The following DPP6 variants were observed in gnomAD, a reference collection of about 807,000 sequenced individuals.
DPP6 encodes A-type potassium channel modulatory protein DPP6.
Under a neutral mutation model 122.6 loss-of-function variants are expected in DPP6, and 69 were observed. The observed-to-expected ratio is 0.56, with a 90% CI of 0.46 to 0.69. The LOEUF is 0.69. Ranked by LOEUF, DPP6 falls within the 30% of genes least tolerant of loss-of-function variation. The probability of loss-of-function intolerance (pLI) is 0.00; values close to 1 mark genes in which losing one functional copy is unlikely to be tolerated. For synonymous variants in DPP6, 418 were observed against 433.1 expected (o/e 0.97, Z 0.43); for missense variants, 928 against 1,116.9 (o/e 0.83, Z 2.41).
chr7:153,943,172 T>G (rs1335758291), intron 1 of DPP6, among the ~76,000 whole-genome samples: 2 of 152,180 alleles, frequency 1.3e-5, no homozygotes, highest in Admixed American at 6.5e-5. Flanking sequence ...TTTCATCAAT[T>G]AGAGCACGAA....
chr7:154,452,885 A>G (rs926306040), intron 2 of DPP6, among the ~76,000 whole-genome samples: 11 of 152,222 alleles, frequency 7.2e-5, no homozygotes, highest in African/African-American at 2.4e-4. Flanking sequence ...TTAGTTCCAA[A>G]GGGATTTACC....
At chr7:154,730,484 A>G (rs1842284336) in intron 8 of DPP6, among the ~76,000 whole-genome samples, 1 of 152,210 alleles carries the variant, frequency 6.6e-6, no homozygotes, top group South Asian at 2.1e-4. Flanking sequence ...TCAGCAAGGG[A>G]CAGTTGCTGC....
intron 4 of DPP6, among the ~76,000 whole-genome samples, chr7:154,555,408 T>A (rs1043431975): frequency 3.3e-5 from 5 of 151,802 alleles, no homozygotes; most frequent in African/African-American, 1.2e-4. Flanking sequence ...TAGGTGGGAA[T>A]TGAACAATGA....
chr7:153,999,956 A>G (rs1364258313), intron 1 of DPP6, among the ~76,000 whole-genome samples: 1 of 151,662 alleles, frequency 6.6e-6, no homozygotes, highest in Non-Finnish European at 1.5e-5. Flanking sequence ...TGAGACCCCC[A>G]TCTCAAAGAA....
At chr7:153,972,077 T>C (rs1317119110) in intron 1 of DPP6, among the ~76,000 whole-genome samples, 4 of 151,146 alleles carry the variant, frequency 2.6e-5, no homozygotes, top group Non-Finnish European at 5.9e-5. Context: ...GGAGAGTAAA[T>C]CTAGTCCCTG....
At chr7:153,763,234 TGAA>T in the DPP6 span, among the ~76,000 whole-genome samples, 1 of 152,160 alleles carries the variant, frequency 6.6e-6, no homozygotes, top group African/African-American at 2.4e-5. Flanking sequence ...TGACAGAAAA[TGAA>T]GAAAAACCAT....
At chr7:154,748,584 C>T (rs576439953) in intron 8 of DPP6, among the ~76,000 whole-genome samples, 65 of 152,346 alleles carry the variant, frequency 4.3e-4, no homozygotes, top group African/African-American at 1.5e-3. Flanking sequence ...CCCTGCGGGG[C>T]GGGGAGGGAG....
At chr7:154,140,874 G>A (rs1268514174) in intron 1 of DPP6, among the ~76,000 whole-genome samples, 1 of 152,202 alleles carries the variant, frequency 6.6e-6, no homozygotes, top group Non-Finnish European at 1.5e-5. Flanking sequence ...GCAGCTCAGC[G>A]ACCTTCTGGT....
At chr7:154,354,222 G>T (rs6970651) in intron 1 of DPP6, among the ~76,000 whole-genome samples, 1 of 152,110 alleles carries the variant, frequency 6.6e-6, no homozygotes, top group African/African-American at 2.4e-5. Flanking sequence ...GTTTCTAGTC[G>T]TCTCAACTTG....
At chr7:154,663,808 T>A (rs1837940175) in intron 6 of DPP6, among the ~76,000 whole-genome samples, 1 of 122,754 alleles carries the variant, frequency 8.1e-6, no homozygotes, top group African/African-American at 2.8e-5. Flanking sequence ...CATATAGTCA[T>A]GGTGAATCAC....
chr7:153,796,061 T>C, the DPP6 span, among the ~76,000 whole-genome samples: 1 of 136,872 alleles, frequency 7.3e-6, no homozygotes, highest in African/African-American at 2.7e-5. Context: ...GAGTGATCCA[T>C]GCACACCTGA....
chr7:154,213,791 G>A (rs774569444), intron 1 of DPP6, among the ~76,000 whole-genome samples: 12 of 152,036 alleles, frequency 7.9e-5, no homozygotes, highest in Non-Finnish European at 1.2e-4. Flanking sequence ...CCCGTCATGC[G>A]GTCCCTTGAG....
At position 154,059,260 on chromosome 7, in the gene DPP6, C is replaced by T. The variant is rs1216532386; in HGVS notation, c.243+6197C>T. On this transcript the variant is annotated intron_variant, in intron 1 of 25. Coordinates refer to ENST00000377770, the MANE Select transcript of DPP6 (RefSeq NM_130797.4). The stretch of plus-strand genomic sequence containing the variant: ...TGTTCCCCCACTGGCTCTTAGGACA[C>T]CCATCGCAGAGGGGGGAGGCACCCC... The T allele has an allele frequency of 2.0e-5, 3 of 150,504 alleles. No homozygotes were observed. The East Asian group carries it at 5.9e-4, about 30-fold the overall frequency. 9.3% of individuals were successfully genotyped at this position (150,504 alleles called of 1,614,324 possible).
intron 1 of DPP6, among the ~76,000 whole-genome samples, chr7:154,329,487 C>G (rs1209849963): frequency 6.6e-6 from 1 of 152,216 alleles, no homozygotes. Context: ...CAAGGAGATA[C>G]TATCTCACGC....
At chr7:154,632,593 G>A (rs1835473492) in intron 5 of DPP6, among the ~76,000 whole-genome samples, 1 of 152,164 alleles carries the variant, frequency 6.6e-6, no homozygotes, top group African/African-American at 2.4e-5. Context: ...TGAGTTTTTG[G>A]TGCCTGTGAG....
Position 154,224,122 on chromosome 7 carries a change from G to C in DPP6, c.243+171059G>C, listed in dbSNP as rs547015251. On this transcript the variant is annotated intron_variant, in intron 1 of 25. Coordinates refer to ENST00000377770, the MANE Select transcript of DPP6 (RefSeq NM_130797.4). ...CCTGATCATTCCCTGGGAGGACACT[G>C]TGGCCCAGGCAGAGACACAGGCAGC... 1.7e-4 allele frequency among the ~76,000 whole-genome samples: 25 copies of C among 148,862 alleles called. 3 individuals are homozygous for C. In the East Asian group the frequency reaches 4.5e-3, roughly 27 times the overall value.
chr7:153,929,210 A>G (rs1376357996), intron 1 of DPP6, among the ~76,000 whole-genome samples: 1 of 152,150 alleles, frequency 6.6e-6, no homozygotes, highest in African/African-American at 2.4e-5. Context: ...AATTCAGCCA[A>G]CAAGTGGCTG....
intron 5 of DPP6, among the ~76,000 whole-genome samples, chr7:154,626,905 T>A (rs1835103667): frequency 1.3e-5 from 2 of 152,028 alleles, no homozygotes; most frequent in African/African-American, 4.8e-5. Context: ...TACATGGAGC[T>A]ATTTCCTAAT....
intron 1 of DPP6, among the ~76,000 whole-genome samples, chr7:154,164,694 G>T (rs1797154959): frequency 6.6e-6 from 1 of 152,048 alleles, no homozygotes; most frequent in Non-Finnish European, 1.5e-5. Flanking sequence ...GCCTACTCTG[G>T]CCGTGTCATA....
Sources: allele counts gnomAD v4.1 joint callset (sites outside exome capture counted in the v4.1 genomes callset), GRCh38; gene constraint gnomAD v4.1.1; transcripts MANE v1.5; gene names NCBI Gene and HGNC (gene_info 2026-07-23, HGNC 2026-07-21).